The following SYNE1 variants were observed in gnomAD, a reference collection of about 807,000 sequenced individuals.
SYNE1 encodes the protein nesprin-1.
A neutral mutation model predicts 1,111.0 loss-of-function variants in SYNE1; 616 were observed. That is an observed-to-expected ratio of 0.55 (90% CI 0.52 to 0.59). SYNE1 has a LOEUF of 0.59. Ranked by LOEUF, SYNE1 falls within the 20% of genes least tolerant of loss-of-function variation. The pLI is 0.00. For missense variants in SYNE1, 10,006 were observed against 10,417.0 expected (o/e 0.96, Z 1.72); for synonymous variants, 3,855 against 3,825.8 (o/e 1.01, Z -0.28).
At chr6:152,281,662 T>C (rs2094035642) in intron 97 of SYNE1, 145 bp downstream of exon 97, 1 of 884,752 alleles carries the variant, frequency 1.1e-6, no homozygotes, top group African/African-American at 1.7e-5. Flanking sequence ...TTATAATGTA[T>C]TACTTTTCTA....
At chr6:152,535,063 G>A (rs6908571) in intron 4 of SYNE1, among the ~76,000 whole-genome samples, 7,132 of 152,320 alleles carry the variant, frequency 0.047, 232 homozygotes, top group Non-Finnish European at 0.066. Flanking sequence ...TGGAAATAGA[G>A]TCTTTAGAGA....
chr6:152,277,157 T>C (rs2093683350), intron 98 of SYNE1, among the ~76,000 whole-genome samples: 1 of 151,746 alleles, frequency 6.6e-6, no homozygotes, highest in Non-Finnish European at 1.5e-5. Context: ...CCCAAAGTGC[T>C]GGGATTACAG....
At position 152,364,886 on chromosome 6, in the gene SYNE1, A is replaced by G; in HGVS notation, c.10106T>C (p.Met3369Thr). The G allele has an allele frequency of 6.2e-7, 1 of 1,614,180 alleles. No individual in the cohort carries two copies. The highest frequency in any genetic ancestry group is 8.5e-7 in the Non-Finnish European group (1 of 1,180,048). The change falls in exon 63 of 146, where the codon ATG (methionine) becomes ACG (threonine). Residue 3369 changes from methionine to threonine, a missense_variant. Met to Thr is a moderately conservative substitution (Grantham distance 81). Transcript: ENST00000367255. ...CCCTGCAGACAAAAGGGATGCCCACATATCCTTCACACTCTGCAGCTGCTG... is the reference window on the plus strand; with the variant it reads ...CCCTGCAGACAAAAGGGATGCCCACGTATCCTTCACACTCTGCAGCTGCTG... Reference protein sequence around the residue: ...IQQQLQSVKDMWASLLSAGIR... With the variant: ...IQQQLQSVKDTWASLLSAGIR...
intron 46 of SYNE1, among the ~76,000 whole-genome samples, chr6:152,401,660 T>G (rs1404280028): frequency 6.6e-6 from 1 of 152,214 alleles, no homozygotes. Flanking sequence ...TCCCAGGTGG[T>G]GACCAAAAAT....
intron 110 of SYNE1, 138 bp downstream of exon 110, chr6:152,235,969 C>G: frequency 1.1e-6 from 1 of 902,564 alleles, no homozygotes; most frequent in South Asian, 1.4e-5. Flanking sequence ...TCTTGAACTC[C>G]TGGCCTCAAG....
At chr6:152,346,804 C>T (rs545758904) in intron 73 of SYNE1, among the ~76,000 whole-genome samples, 14 of 152,086 alleles carry the variant, frequency 9.2e-5, no homozygotes, top group Non-Finnish European at 1.5e-4. Flanking sequence ...AGTGAGACTC[C>T]GTCTCAAACA....
At chr6:152,415,005 T>G (rs1248942637) in intron 41 of SYNE1, among the ~76,000 whole-genome samples, 1 of 152,178 alleles carries the variant, frequency 6.6e-6, no homozygotes, top group Non-Finnish European at 1.5e-5. Flanking sequence ...ATCCTCGACA[T>G]AATGGTTGAT....
At chr6:152,576,970 C>T (rs995984202) in intron 3 of SYNE1, among the ~76,000 whole-genome samples, 1 of 152,154 alleles carries the variant, frequency 6.6e-6, no homozygotes, top group Non-Finnish European at 1.5e-5. Context: ...ACTTGAGAGA[C>T]ACATACACAT....
At chr6:152,258,398 A>T (rs2091336480) in intron 101 of SYNE1, among the ~76,000 whole-genome samples, 2 of 152,332 alleles carry the variant, frequency 1.3e-5, no homozygotes, top group Admixed American at 1.3e-4. Context: ...TCATCTTTGC[A>T]CTTGGCTGCA....
rs1310637066 is a variant in SYNE1 at position 152,278,137 on chromosome 6, G to T, written c.18525C>A (p.Ser6175Arg). 2.5e-6 allele frequency: 4 copies of T among 1,614,042 alleles called. No homozygotes were observed. The South Asian group carries it at 3.3e-5, about 13-fold the overall frequency. The stretch of plus-strand genomic sequence containing the variant: ...GCAGGGCTCTCTGCAGCTCCAGCAG[G>T]CTCCCCTTGAGCCTTCTCAGCTTTC... ...LAGKLRRLKG[S>R]LLELQRALHD... The change falls in exon 98 of 146, where the codon AGC (serine) becomes AGA (arginine). Residue 6175 changes from serine to arginine, a missense_variant. Physicochemically the swap from Ser to Arg is moderately radical, Grantham distance 110. This residue lies in a region of SYNE1 where 2,182 missense variants were observed against 2,287.8 expected (regional missense o/e 0.95). Transcript: ENST00000367255.
At chr6:152,606,939 C>T (rs2099616681) in intron 3 of SYNE1, among the ~76,000 whole-genome samples, 1 of 150,168 alleles carries the variant, frequency 6.7e-6, no homozygotes, top group South Asian at 2.1e-4. Flanking sequence ...CAGGCGTGAG[C>T]CACCGCGCCC....
intron 129 of SYNE1, among the ~76,000 whole-genome samples, chr6:152,178,498 TA>T (rs1473930233): frequency 6.6e-6 from 1 of 152,226 alleles, no homozygotes; most frequent in Admixed American, 6.5e-5. Flanking sequence ...ATTGGATACA[TA>T]AAGGCTTATC....
chr6:152,365,932 A>G (rs1248050448), intron 62 of SYNE1, among the ~76,000 whole-genome samples: 2 of 152,102 alleles, frequency 1.3e-5, no homozygotes, highest in Non-Finnish European at 2.9e-5. Flanking sequence ...CTCACACACT[A>G]CGCTGTTCTT....
chr6:152,532,585 C>G (rs1362629895), intron 4 of SYNE1, among the ~76,000 whole-genome samples: 2 of 152,168 alleles, frequency 1.3e-5, no homozygotes, highest in Non-Finnish European at 2.9e-5. Context: ...GGTTGCTGAA[C>G]AGGATGAAGA....
chr6:152,559,942 C>G (rs1445028096), intron 3 of SYNE1, among the ~76,000 whole-genome samples: 4 of 152,122 alleles, frequency 2.6e-5, no homozygotes, highest in African/African-American at 9.7e-5. Context: ...ACAACTGATA[C>G]TACAGAAATA....
At chr6:152,630,379 C>T (rs1016449568) in intron 2 of SYNE1, among the ~76,000 whole-genome samples, 3 of 152,120 alleles carry the variant, frequency 2.0e-5, no homozygotes. Flanking sequence ...GTGGGTGACT[C>T]TCCAAGGGAT....
intron 64 of SYNE1, among the ~76,000 whole-genome samples, chr6:152,360,179 C>T (rs985215513): frequency 6.6e-6 from 1 of 152,294 alleles, no homozygotes; most frequent in Admixed American, 6.5e-5. Context: ...CCCAATGCTG[C>T]CGGGATCAAG....
intron 41 of SYNE1, among the ~76,000 whole-genome samples, chr6:152,414,154 A>G (rs1485208856): frequency 1.3e-5 from 2 of 152,118 alleles, no homozygotes. Context: ...CCATAATCTC[A>G]GCATTTTGGG....
chr6:152,214,021 T>C (rs1278962927), intron 122 of SYNE1, among the ~76,000 whole-genome samples: 5 of 152,076 alleles, frequency 3.3e-5, no homozygotes, highest in Middle Eastern at 6.8e-3. Flanking sequence ...GTCAACATGG[T>C]GAAACCCCAT....
Sources: allele counts gnomAD v4.1 joint callset (sites outside exome capture counted in the v4.1 genomes callset), GRCh38; gene constraint gnomAD v4.1.1; regional missense constraint gnomAD v4.1.1; transcripts MANE v1.5; gene names NCBI Gene and HGNC (gene_info 2026-07-23, HGNC 2026-07-21).